ADAMTS12: variants seen among roughly 807,000 people sequenced by gnomAD.
ADAMTS12 encodes the protein ADAM metallopeptidase with thrombospondin type 1 motif 12.
A neutral mutation model predicts 167.8 loss-of-function variants in ADAMTS12; 118 were observed. The ratio of observed to expected loss-of-function variants is 0.70; its 90% CI spans 0.61 to 0.82. The LOEUF (loss-of-function observed/expected upper bound fraction) is 0.82. ADAMTS12 is among the 40% of genes least tolerant of loss of function. The pLI is 0.00. For missense variants in ADAMTS12, 1,916 were observed against 1,998.8 expected (o/e 0.96, Z 0.79); for synonymous variants, 704 against 716.9 (o/e 0.98, Z 0.29).
At chr5:33,844,984 C>T (rs929206661) in intron 2 of ADAMTS12, among the ~76,000 whole-genome samples, 7 of 152,198 alleles carry the variant, frequency 4.6e-5, no homozygotes, top group Non-Finnish European at 1.0e-4. Context: ...TTAAAATTTT[C>T]AGACCACAGT....
At chr5:33,726,547 T>C (rs561594792) in intron 3 of ADAMTS12, among the ~76,000 whole-genome samples, 19 of 152,276 alleles carry the variant, frequency 1.2e-4, no homozygotes, top group Non-Finnish European at 2.4e-4. Context: ...TCAGAGGACA[T>C]TTATGGACAG....
chr5:33,551,892 TTGTTA>T (rs1561120404), intron 20 of ADAMTS12, among the ~76,000 whole-genome samples: 1 of 152,232 alleles, frequency 6.6e-6, no homozygotes, highest in Non-Finnish European at 1.5e-5. Context: ...TGAATGACAA[TTGTTA>T]TGTTATATTC....
chr5:33,756,886 G>A (rs1423905003), intron 2 of ADAMTS12, among the ~76,000 whole-genome samples: 1 of 152,186 alleles, frequency 6.6e-6, no homozygotes, highest in Non-Finnish European at 1.5e-5. Flanking sequence ...TGATGAAGAC[G>A]TTCTGTATCT....
At chr5:33,528,842 C>T (rs1006739960) in intron 23 of ADAMTS12, among the ~76,000 whole-genome samples, 1 of 152,112 alleles carries the variant, frequency 6.6e-6, no homozygotes, top group African/African-American at 2.4e-5. Context: ...GTCAGGAATT[C>T]GAGACTAGTC....
At chr5:33,557,624 C>A (rs1421481799) in intron 20 of ADAMTS12, among the ~76,000 whole-genome samples, 1 of 151,618 alleles carries the variant, frequency 6.6e-6, no homozygotes, top group African/African-American at 2.4e-5. Context: ...AGTGAGACCC[C>A]ATCTCAAAAA....
intron 12 of ADAMTS12, among the ~76,000 whole-genome samples, chr5:33,631,265 T>C (rs917655961): frequency 6.6e-6 from 1 of 152,154 alleles, no homozygotes; most frequent in Non-Finnish European, 1.5e-5. Context: ...AGAAAATAAG[T>C]TATTGCAACC....
At chr5:33,704,088 G>A (rs958031059) in intron 3 of ADAMTS12, among the ~76,000 whole-genome samples, 102 of 152,076 alleles carry the variant, frequency 6.7e-4, no homozygotes, top group African/African-American at 2.4e-3. Context: ...CGCAGCTTAT[G>A]GGAACACTCA....
Position 33,641,821 on chromosome 5 carries a change from G to A in ADAMTS12, c.1707C>T (p.Cys569=), listed in dbSNP as rs1214925729. 3.1e-6 allele frequency: 5 copies of A among 1,610,188 alleles called. No homozygotes were observed. In the South Asian group the frequency reaches 5.5e-5, roughly 18 times the overall value. ...TTATCTGGACTCACTCGGGGTTGTT[G>A]CAGAGCCTCTCTGCGCTCTGGACTC... The part of the protein sequence containing the change: ...GAGVQSAERL[C]NNPEPKFGGK... Residue 569 remains cysteine (C), a synonymous_variant, in exon 11 of 24, where the codon TGC becomes TGT. Coordinates refer to ENST00000504830, the MANE Select transcript of ADAMTS12 (RefSeq NM_030955.4).
chr5:33,655,548 G>A (rs1741022065), intron 7 of ADAMTS12, among the ~76,000 whole-genome samples: 1 of 149,682 alleles, frequency 6.7e-6, no homozygotes, highest in Non-Finnish European at 1.5e-5. Context: ...TTCCCTACTG[G>A]TATTTCCTTT....
At chr5:33,789,832 T>G (rs544666369) in intron 2 of ADAMTS12, among the ~76,000 whole-genome samples, 1 of 152,336 alleles carries the variant, frequency 6.6e-6, no homozygotes, top group South Asian at 2.1e-4. Context: ...CCATGTGGTC[T>G]GCAGCCTCTT....
intron 2 of ADAMTS12, among the ~76,000 whole-genome samples, chr5:33,800,529 G>A (rs1374023): frequency 6.6e-6 from 1 of 152,106 alleles, no homozygotes; most frequent in South Asian, 2.1e-4. Flanking sequence ...TTATTTCTAC[G>A]ACAATTCTCA....
intron 2 of ADAMTS12, among the ~76,000 whole-genome samples, chr5:33,782,018 CTA>C (rs1746148346): frequency 6.6e-6 from 1 of 152,004 alleles, no homozygotes; most frequent in African/African-American, 2.4e-5. Context: ...CTTCCTGTAT[CTA>C]TACCTTAACC....
At chr5:33,864,034 C>A (rs1200364863) in intron 2 of ADAMTS12, among the ~76,000 whole-genome samples, 1 of 152,164 alleles carries the variant, frequency 6.6e-6, no homozygotes, top group Non-Finnish European at 1.5e-5. Flanking sequence ...CACTCCCTTA[C>A]ACCTTATACA....
At chr5:33,548,389 C>T (rs1317539539) in intron 21 of ADAMTS12, among the ~76,000 whole-genome samples, 2 of 151,994 alleles carry the variant, frequency 1.3e-5, no homozygotes, top group East Asian at 1.9e-4. Context: ...CAATTTCTTC[C>T]CCTATAAAAT....
At chr5:33,805,688 T>C (rs1483599718) in intron 2 of ADAMTS12, among the ~76,000 whole-genome samples, 1 of 152,118 alleles carries the variant, frequency 6.6e-6, no homozygotes, top group Non-Finnish European at 1.5e-5. Context: ...GTCTAATAAA[T>C]GTATGTGTGA....
At chr5:33,848,001 G>A (rs1749011632) in intron 2 of ADAMTS12, among the ~76,000 whole-genome samples, 1 of 152,134 alleles carries the variant, frequency 6.6e-6, no homozygotes, top group Admixed American at 6.5e-5. Context: ...GATCACTTGA[G>A]GTCAAGAGTT....
chr5:33,585,055 AT>A (rs1158372694), intron 18 of ADAMTS12, among the ~76,000 whole-genome samples: 2 of 131,822 alleles, frequency 1.5e-5, no homozygotes, highest in Non-Finnish European at 3.5e-5. Context: ...CCATCCATCC[AT>A]CCATCCATCC....
chr5:33,609,395 G>A (rs1467983024), intron 16 of ADAMTS12, among the ~76,000 whole-genome samples: 1 of 148,180 alleles, frequency 6.7e-6, no homozygotes, highest in African/African-American at 2.5e-5. Context: ...TTTGGAGAGA[G>A]GTTCTCACTC....
intron 2 of ADAMTS12, among the ~76,000 whole-genome samples, chr5:33,785,782 C>T (rs923171137): frequency 3.3e-5 from 5 of 152,294 alleles, no homozygotes; most frequent in East Asian, 1.9e-4. Flanking sequence ...CTAACATAGA[C>T]ATTTCATATA....
Sources: gnomAD v4.1 joint callset for allele counts (sites outside exome capture counted in the v4.1 genomes callset) on GRCh38, gnomAD v4.1.1 for gene constraint, MANE v1.5 for transcripts, NCBI Gene and HGNC (gene_info 2026-07-23, HGNC 2026-07-21) for gene names.